Variants in ROBO2 observed in about 807,000 individuals in gnomAD.
ROBO2 encodes the protein roundabout homolog 2.
In ROBO2, 53 loss-of-function variants were observed where a neutral mutation model predicts 160.8. The observed-to-expected ratio is 0.33, with a 90% CI of 0.26 to 0.41. ROBO2 has a LOEUF of 0.41. ROBO2 is among the 10% of genes least tolerant of loss of function. ROBO2 has a pLI of 1.00. For missense variants in ROBO2, 1,577 were observed against 1,722.4 expected, an observed-to-expected ratio of 0.92 and a Z score of 1.49; for synonymous variants, 664 against 611.7, an observed-to-expected ratio of 1.09 and a Z score of -1.26.
In ROBO2 at chr3:76,675,504, G is replaced by T. The variant is rs183006357; in HGVS notation, c.110-422510G>T. On this transcript the variant is annotated intron_variant, in intron 2 of 26. Transcript: ENST00000487694. Reference sequence around the variant, plus strand: ...TAACCTATATAGCCATCATGGAAGGGTTCATGAATGCTTTGAAGTCCAGAT... The same window carrying T: ...TAACCTATATAGCCATCATGGAAGGTTTCATGAATGCTTTGAAGTCCAGAT... Among the ~76,000 whole-genome samples, 449 of 152,222 alleles carry T rather than the reference G, an allele frequency of 2.9e-3. 2 individuals carry two copies. The highest frequency in any genetic ancestry group is 8.9e-3 in the Admixed American group (136 of 15,284).
intron 2 of ROBO2, among the ~76,000 whole-genome samples, chr3:77,307,210 A>T (rs2063170266): frequency 6.6e-6 from 1 of 152,214 alleles, no homozygotes; most frequent in South Asian, 2.1e-4. Context: ...GGTATGAAAA[A>T]GATAGGGAGG....
intron 2 of ROBO2, among the ~76,000 whole-genome samples, chr3:77,263,701 T>C (rs2058930647): frequency 6.6e-6 from 1 of 152,206 alleles, no homozygotes; most frequent in African/African-American, 2.4e-5. Context: ...GTGAATTGAG[T>C]TGCAGTGAAC....
Position 77,552,508 on chromosome 3 carries a change from C to A in ROBO2, c.1231+1519C>A, listed in dbSNP as rs543791593. Reference sequence around the variant, plus strand: ...AATGGAAAACCTTTGAGGCCTTACACTAGCTCATGCTATATTACAAAACAG... The same window carrying A: ...AATGGAAAACCTTTGAGGCCTTACAATAGCTCATGCTATATTACAAAACAG... On this transcript the variant is annotated intron_variant, in intron 8 of 25. Coordinates refer to ENST00000461745, the Ensembl canonical transcript of ROBO2. 2.0e-5 allele frequency among the ~76,000 whole-genome samples: 3 copies of A among 152,144 alleles called. No individual in the cohort carries two copies. The South Asian group carries it at 6.2e-4, about 31-fold the overall frequency.
rs1435578516 is a variant in ROBO2 at position 77,176,557 on chromosome 3, G to A, written c.388+78217G>A. ...TTTACCTATACATGGCATTCTAGAA[G>A]CATATATCATTAGAAAGATCACAAC... On this transcript the variant is annotated intron_variant, in intron 2 of 25. Transcript: ENST00000461745. Among the ~76,000 whole-genome samples the A allele has an allele frequency of 1.3e-5, 2 of 151,958 alleles. 1 individual carries two copies. Among genetic ancestry groups the A allele is most frequent in the South Asian group, 4.1e-4 (2 of 4,828 alleles).
At chr3:77,101,480 C>T (rs1560010597) in intron 2 of ROBO2, among the ~76,000 whole-genome samples, 1 of 152,134 alleles carries the variant, frequency 6.6e-6, no homozygotes, top group Non-Finnish European at 1.5e-5. Flanking sequence ...AAAGAAACAG[C>T]TTCTTCTAGA....
chr3:76,568,417 C>T (rs1191897976), intron 2 of ROBO2, among the ~76,000 whole-genome samples: 1 of 151,898 alleles, frequency 6.6e-6, no homozygotes, highest in Non-Finnish European at 1.5e-5. Context: ...CCTGCCTCAA[C>T]CTCCCGAGTA....
chr3:76,983,400 AACAG>A (rs756919769), intron 2 of ROBO2, among the ~76,000 whole-genome samples: 2 of 152,264 alleles, frequency 1.3e-5, no homozygotes, highest in Non-Finnish European at 2.9e-5. Context: ...TTGCTTTCTT[AACAG>A]ACAATATATG....
chr3:76,852,301 G>A (rs556223322), intron 2 of ROBO2, among the ~76,000 whole-genome samples: 1 of 152,088 alleles, frequency 6.6e-6, no homozygotes, highest in Non-Finnish European at 1.5e-5. Flanking sequence ...TGGCATATTT[G>A]CTTCTATTAA....
intron 2 of ROBO2, among the ~76,000 whole-genome samples, chr3:77,271,700 G>T (rs1246563767): frequency 6.6e-6 from 1 of 152,206 alleles, no homozygotes; most frequent in African/African-American, 2.4e-5. Context: ...GTACTACTAA[G>T]ATGTACCCTG....
intron 2 of ROBO2, among the ~76,000 whole-genome samples, chr3:76,605,363 T>G (rs1187954861): frequency 6.6e-6 from 1 of 150,842 alleles, no homozygotes; most frequent in Non-Finnish European, 1.5e-5. Context: ...TTACATGTTT[T>G]TATAGCTTCT....
At chr3:77,133,327 A>G (rs1189428534) in intron 2 of ROBO2, among the ~76,000 whole-genome samples, 1 of 152,208 alleles carries the variant, frequency 6.6e-6, no homozygotes, top group African/African-American at 2.4e-5. Flanking sequence ...TTTTCAAGGT[A>G]GCAAAAGACT....
chr3:76,064,214 G>A (rs1319894698), intron 2 of ROBO2, among the ~76,000 whole-genome samples: 1 of 152,168 alleles, frequency 6.6e-6, no homozygotes, highest in Non-Finnish European at 1.5e-5. Flanking sequence ...CTGACCCATG[G>A]AAAATGAAAT....
At position 77,310,116 on chromosome 3, in the gene ROBO2, A is replaced by T. The variant is rs2063416620; in HGVS notation, c.389-167298A>T. Among the ~76,000 whole-genome samples, 3 of 152,186 alleles carry T rather than the reference A, an allele frequency of 2.0e-5. No homozygotes were observed. The South Asian group carries it at 6.2e-4, about 31-fold the overall frequency. ...CTCCTAGGGTTTCAGTGACTGAAAG[A>T]GGAAAATTTCCTCTTATTTTACGTT... On this transcript the variant is annotated intron_variant, in intron 2 of 25. Transcript: ENST00000461745.
At chr3:77,623,210 A>T (rs1479513506) in intron 23 of ROBO2, among the ~76,000 whole-genome samples, 3 of 152,206 alleles carry the variant, frequency 2.0e-5, no homozygotes, top group Non-Finnish European at 4.4e-5. Context: ...ATAGATATAC[A>T]CTGTTGGACA....
intron 2 of ROBO2, among the ~76,000 whole-genome samples, chr3:76,202,670 C>T (rs984333576): frequency 6.6e-6 from 1 of 152,146 alleles, no homozygotes; most frequent in Non-Finnish European, 1.5e-5. Flanking sequence ...ATACAGTCAT[C>T]TAAAGGGTGC....
chr3:76,823,582 G>A (rs1467263752), intron 2 of ROBO2, among the ~76,000 whole-genome samples: 2 of 152,094 alleles, frequency 1.3e-5, no homozygotes, highest in Admixed American at 1.3e-4. Context: ...CTTCAAATCA[G>A]GCCAGTCAAC....
chr3:76,102,662 T>C (rs2069746514), intron 2 of ROBO2, among the ~76,000 whole-genome samples: 2 of 152,190 alleles, frequency 1.3e-5, no homozygotes, highest in Non-Finnish European at 2.9e-5. Context: ...CTTTTGAAGA[T>C]AGTAACATTT....
intron 2 of ROBO2, among the ~76,000 whole-genome samples, chr3:76,968,519 C>T (rs1184929738): frequency 6.6e-6 from 1 of 151,980 alleles, no homozygotes; most frequent in Non-Finnish European, 1.5e-5. Context: ...TTTTGTAAGT[C>T]TTGTAAATAT....
chr3:76,536,952 G>A (rs2082540032), intron 2 of ROBO2, among the ~76,000 whole-genome samples: 1 of 152,116 alleles, frequency 6.6e-6, no homozygotes, highest in South Asian at 2.1e-4. Flanking sequence ...GGGCAGGTGG[G>A]GGAGAGCTAG....
Sources: gnomAD v4.1 joint callset for allele counts (sites outside exome capture counted in the v4.1 genomes callset) on GRCh38, gnomAD v4.1.1 for gene constraint, MANE v1.5 for transcripts, NCBI Gene and HGNC (gene_info 2026-07-23, HGNC 2026-07-21) for gene names.